Variants in ANKS1B observed in about 807,000 individuals in gnomAD.
ANKS1B encodes ankyrin repeat and sterile alpha motif domain-containing protein 1B.
A neutral mutation model predicts 148.3 loss-of-function variants in ANKS1B; 36 were observed. The observed-to-expected ratio is 0.24, with a 90% CI of 0.19 to 0.32. The LOEUF (loss-of-function observed/expected upper bound fraction) is 0.32. ANKS1B is among the 10% of genes least tolerant of loss of function. The probability of loss-of-function intolerance (pLI) is 1.00; values close to 1 mark genes in which losing one functional copy is unlikely to be tolerated. For missense variants in ANKS1B, 1,157 were observed against 1,542.6 expected (o/e 0.75, Z 4.19); for synonymous variants, 542 against 560.8 (o/e 0.97, Z 0.47).
intron 17 of ANKS1B, among the ~76,000 whole-genome samples, chr12:98,852,194 G>A (rs1348565257): frequency 2.6e-5 from 4 of 152,076 alleles, no homozygotes; most frequent in Non-Finnish European, 4.4e-5. Context: ...TCAGCAATTA[G>A]AACTTGTTCA....
intron 9 of ANKS1B, among the ~76,000 whole-genome samples, chr12:99,634,430 T>C (rs1286769531): frequency 6.6e-6 from 1 of 152,060 alleles, no homozygotes; most frequent in Non-Finnish European, 1.5e-5. Flanking sequence ...CTCAGAACTA[T>C]AAAAAATATA....
At chr12:98,850,507 G>A (rs935656547) in intron 17 of ANKS1B, among the ~76,000 whole-genome samples, 1 of 112,200 alleles carries the variant, frequency 8.9e-6, no homozygotes. Context: ...TCACTCTGTC[G>A]CCCAGGCCAG....
intron 9 of ANKS1B, among the ~76,000 whole-genome samples, chr12:99,631,907 A>C (rs2098164631): frequency 6.6e-6 from 1 of 152,218 alleles, no homozygotes; most frequent in African/African-American, 2.4e-5. Context: ...GGTGTAGCCC[A>C]GTGACCACTT....
chr12:99,507,713 A>C (rs892482934), intron 9 of ANKS1B, among the ~76,000 whole-genome samples: 25 of 151,946 alleles, frequency 1.6e-4, no homozygotes, highest in Non-Finnish European at 3.7e-4. Flanking sequence ...GGTAAAAACG[A>C]AGATAGTGAA....
At chr12:99,896,248 C>G (rs2093381017) in intron 1 of ANKS1B, among the ~76,000 whole-genome samples, 1 of 151,216 alleles carries the variant, frequency 6.6e-6, no homozygotes, top group Non-Finnish European at 1.5e-5. Context: ...TTCTCCCACA[C>G]CCTTCATTCC....
chr12:99,109,534 T>A (rs912538472), intron 15 of ANKS1B, among the ~76,000 whole-genome samples: 4 of 152,212 alleles, frequency 2.6e-5, no homozygotes, highest in African/African-American at 9.7e-5. Flanking sequence ...ATATGAAGAA[T>A]AATTTCTTCA....
At chr12:98,940,463 G>C (rs2099834950) in intron 17 of ANKS1B, among the ~76,000 whole-genome samples, 1 of 152,108 alleles carries the variant, frequency 6.6e-6, no homozygotes, top group African/African-American at 2.4e-5. Flanking sequence ...ATTCTTTCAG[G>C]GCTCAGCTGA....
intron 9 of ANKS1B, among the ~76,000 whole-genome samples, chr12:99,575,069 T>A (rs978267887): frequency 1.3e-5 from 2 of 151,960 alleles, no homozygotes; most frequent in African/African-American, 4.8e-5. Context: ...TATACCAAAT[T>A]TGCAACATAC....
intron 9 of ANKS1B, among the ~76,000 whole-genome samples, chr12:99,528,309 A>C (rs2096948951): frequency 6.6e-6 from 1 of 151,960 alleles, no homozygotes; most frequent in South Asian, 2.1e-4. Context: ...TGGACATAGA[A>C]CTAGACAAAG....
At chr12:99,171,713 T>C (rs2077774900) in intron 14 of ANKS1B, among the ~76,000 whole-genome samples, 1 of 152,194 alleles carries the variant, frequency 6.6e-6, no homozygotes, top group Admixed American at 6.5e-5. Flanking sequence ...CAAAATTATA[T>C]ATATAGGCCA....
At chr12:99,451,757 T>G (rs10777991) in intron 10 of ANKS1B, among the ~76,000 whole-genome samples, 1 of 151,892 alleles carries the variant, frequency 6.6e-6, no homozygotes, top group African/African-American at 2.4e-5. Context: ...CACATAGTGT[T>G]ACAAAGACAA....
At chr12:98,885,970 C>T (rs191153352) in intron 17 of ANKS1B, among the ~76,000 whole-genome samples, 7 of 151,158 alleles carry the variant, frequency 4.6e-5, no homozygotes, top group South Asian at 2.1e-4. Context: ...AGAAATAGCA[C>T]GGCAGATATG....
At chr12:98,818,014 A>G (rs1310773782) in intron 19 of ANKS1B, among the ~76,000 whole-genome samples, 2 of 152,166 alleles carry the variant, frequency 1.3e-5, no homozygotes, top group Non-Finnish European at 2.9e-5. Flanking sequence ...GAGGAAGTAA[A>G]CAACACATTT....
chr12:99,481,227 G>A (rs2096405407), intron 10 of ANKS1B, among the ~76,000 whole-genome samples: 2 of 151,592 alleles, frequency 1.3e-5, no homozygotes, highest in Non-Finnish European at 3.0e-5. Context: ...ACTCTATGAT[G>A]CCTTTGCTGA....
At chr12:99,432,775 A>T (rs1446330003) in intron 11 of ANKS1B, among the ~76,000 whole-genome samples, 1 of 152,194 alleles carries the variant, frequency 6.6e-6, no homozygotes, top group Admixed American at 6.5e-5. Flanking sequence ...CTTTCCAGAC[A>T]ATTCAATGAT....
At chr12:99,346,689 G>C (rs1386474851) in intron 12 of ANKS1B, among the ~76,000 whole-genome samples, 1 of 151,996 alleles carries the variant, frequency 6.6e-6, no homozygotes, top group African/African-American at 2.4e-5. Context: ...AAAATGGGAT[G>C]TCTGTGAAAT....
intron 17 of ANKS1B, among the ~76,000 whole-genome samples, chr12:98,990,960 C>A (rs2099926266): frequency 6.6e-6 from 1 of 152,186 alleles, no homozygotes; most frequent in Non-Finnish European, 1.5e-5. Context: ...TCCAGATCTG[C>A]ACCTGAACCG....
chr12:99,873,134 A>AT (rs2091714340), intron 1 of ANKS1B, among the ~76,000 whole-genome samples: 1 of 152,186 alleles, frequency 6.6e-6, no homozygotes, highest in Non-Finnish European at 1.5e-5. Context: ...TCAATCACTT[A>AT]GCACTGTGTC....
chr12:99,746,594 C>T lies in ANKS1B; in HGVS notation c.1128+26328G>A, dbSNP rs148798070. On this transcript the variant is annotated intron_variant, in intron 8 of 26. Coordinates refer to ENST00000683438, the MANE Select transcript of ANKS1B (RefSeq NM_001352186.2). Reference sequence around the variant, plus strand: ...AGTACAAATATTAACAAAAGTATATCAGTGCAACAAAAAATATGACAGAGT... The same window carrying T: ...AGTACAAATATTAACAAAAGTATATTAGTGCAACAAAAAATATGACAGAGT... 2.3e-3 allele frequency among the ~76,000 whole-genome samples: 356 copies of T among 152,014 alleles called. 3 individuals carry two copies. In the Middle Eastern group the frequency reaches 0.034, roughly 15 times the overall value.
Sources: gnomAD v4.1 joint callset for allele counts (sites outside exome capture counted in the v4.1 genomes callset) on GRCh38, gnomAD v4.1.1 for gene constraint, MANE v1.5 for transcripts, NCBI Gene and HGNC (gene_info 2026-07-23, HGNC 2026-07-21) for gene names.